Variants in DNAH1 observed in about 807,000 individuals in gnomAD.
The protein encoded by DNAH1 is axonemal beta dynein heavy chain 1.
In DNAH1, 327 loss-of-function variants were observed where a neutral mutation model predicts 484.3. The observed-to-expected ratio is 0.68, with a 90% CI of 0.62 to 0.74. The LOEUF (loss-of-function observed/expected upper bound fraction) is 0.74. DNAH1 is among the 30% of genes least tolerant of loss of function. The probability of loss-of-function intolerance (pLI) is 0.00; values close to 1 mark genes in which losing one functional copy is unlikely to be tolerated. For missense variants in DNAH1, 5,052 were observed against 5,546.8 expected (o/e 0.91, Z 2.83); for synonymous variants, 2,192 against 2,191.9 (o/e 1.00, Z 0.00).
In DNAH1 at chr3:52,316,514, G is replaced by T; in HGVS notation, c.-66G>T. The stretch of plus-strand genomic sequence containing the variant: ...AAAATAAAACCACAGTTTGGATTCA[G>T]GAAAGGTTGCACCACCATCAGGTCT... On this transcript the variant is annotated 5_prime_UTR_variant, in exon 1 of 78. The change creates a new upstream start codon in the 5' untranslated region. Transcript: ENST00000420323. 6.6e-6 allele frequency: 1 copy of T among 152,388 alleles called. No individual in the cohort carries two copies. The allele number at this position is 152,388 out of a possible 1,614,324, so 9.4% of individuals were successfully genotyped here.
Position 52,362,413 on chromosome 3 carries a change from T to C in DNAH1, c.5006T>C (p.Val1669Ala). 1 of 1,613,874 alleles carries C rather than the reference T, an allele frequency of 6.2e-7. No homozygotes were observed. Among genetic ancestry groups the C allele is most frequent in the Non-Finnish European group, 8.5e-7 (1 of 1,179,864 alleles). Residue 1669 changes from valine to alanine, a missense_variant, in exon 31 of 78, where the codon GTG becomes GCG. Around this residue, in one of 4 missense-constraint regions of DNAH1, gnomAD observed 2,929 missense variants for 3,409.4 expected, o/e 0.86. Coordinates refer to ENST00000420323, the MANE Select transcript of DNAH1 (RefSeq NM_015512.5). The surrounding 1 kb of genome is among the most constrained non-coding windows in gnomAD (Gnocchi z 5.1). ...GTGGAACGCTTCATGTTTGAGGGTG[T>C]GGAGATCCCACTGGTGCCATCCTGC... ...QRVERFMFEG[V>A]EIPLVPSCAV... is the part of the protein sequence containing the mutation.
intron 1 of DNAH1, chr3:52,321,634 C>A (rs1194712125): frequency 6.6e-6 from 1 of 152,216 alleles, no homozygotes; most frequent in Non-Finnish European, 1.5e-5. Flanking sequence ...ACTCTATAAA[C>A]CCTTGTCCTC....
chr3:52,322,420 G>T lies in DNAH1; in HGVS notation c.-23G>T, dbSNP rs1243899576. The stretch of plus-strand genomic sequence containing the variant: ...GGTTCTTCTCCTAGGAGCTTCGGCT[G>T]GGGCATCTCCCTGAGAAGCAGCATG... On this transcript the variant is annotated 5_prime_UTR_variant, in exon 2 of 78. Transcript: ENST00000420323. The T allele has an allele frequency of 1.9e-6, 3 of 1,590,460 alleles. No individual in the cohort carries two copies. The highest frequency in any genetic ancestry group is 2.6e-6 in the Non-Finnish European group (3 of 1,173,354).
chr3:52,344,474 C>T lies in DNAH1; in HGVS notation c.1287-16C>T. On this transcript the variant is annotated splice_polypyrimidine_tract_variant and intron_variant, in intron 8 of 77. Transcript: ENST00000420323. ...GTGGAGCCCCTGATTCCCCCATCTC[C>T]CATCTCTATGGGCAGGGTTCTAGAG... 2 of 1,610,314 alleles carry T rather than the reference C, an allele frequency of 1.2e-6. No homozygotes were observed. Among genetic ancestry groups the T allele is most frequent in the East Asian group, 4.5e-5 (2 of 44,790 alleles).
Position 52,358,883 on chromosome 3 carries a change from C to A in DNAH1, c.4266+146C>A. 2.1e-6 allele frequency: 2 copies of A among 950,662 alleles called. No individual in the cohort carries two copies. The highest frequency in any genetic ancestry group is 3.1e-6 in the Non-Finnish European group (2 of 645,264). The allele number at this position is 950,662 out of a possible 1,614,324, so 58.9% of individuals were successfully genotyped here. On this transcript the variant is annotated intron_variant, in intron 25 of 77. Coordinates refer to ENST00000420323, the MANE Select transcript of DNAH1 (RefSeq NM_015512.5). The surrounding 1 kb of genome is among the most constrained non-coding windows in gnomAD (Gnocchi z 4.2). The stretch of plus-strand genomic sequence containing the variant: ...GGCGGGATTCTGGAGTCTTTCCTTT[C>A]CACACACACTCCAGAAAGTGGGACT...
intron 12 of DNAH1, among the ~76,000 whole-genome samples, chr3:52,348,673 A>T (rs1297367090): frequency 6.6e-6 from 1 of 152,190 alleles, no homozygotes; most frequent in Non-Finnish European, 1.5e-5. Context: ...GGTGGGCCTC[A>T]CAGGGGCGTC....
Position 52,368,428 on chromosome 3 carries a change from C to T in DNAH1, c.5766-313C>T, listed in dbSNP as rs1188309960. The stretch of plus-strand genomic sequence containing the variant: ...TTTCTCTGCCCTGTCATTTACCCTC[C>T]TCCATCCTTGTCCATTGTCTTCCAG... On this transcript the variant is annotated intron_variant, in intron 36 of 77. Transcript: ENST00000420323. The surrounding 1 kb of genome is among the most constrained non-coding windows in gnomAD (Gnocchi z 4.4). Among the ~76,000 whole-genome samples, 1 of 152,142 alleles carries T rather than the reference C, an allele frequency of 6.6e-6. No homozygotes were observed. The highest frequency in any genetic ancestry group is 1.5e-5 in the Non-Finnish European group (1 of 68,034).
chr3:52,335,812 T>C (rs1402014574), intron 8 of DNAH1, among the ~76,000 whole-genome samples: 1 of 152,040 alleles, frequency 6.6e-6, no homozygotes. Flanking sequence ...TTTTGTATTT[T>C]TAGTAGAGAC....
At chr3:52,354,398 C>T (rs1315072565) in intron 20 of DNAH1, among the ~76,000 whole-genome samples, 2 of 152,090 alleles carry the variant, frequency 1.3e-5, no homozygotes, top group African/African-American at 2.4e-5. Flanking sequence ...CTTGGGAGGC[C>T]GAGGCGGGTG....
rs561152104 is a variant in DNAH1, at chr3:52,323,898, C to G, written c.406+18C>G. 1.3e-4 allele frequency: 209 copies of G among 1,558,258 alleles called. 2 individuals are homozygous for G. The South Asian group carries it at 2.2e-3, about 17-fold the overall frequency. On this transcript the variant is annotated intron_variant, in intron 3 of 77. Coordinates refer to ENST00000420323, the MANE Select transcript of DNAH1 (RefSeq NM_015512.5). ...CCCAAGAGGTCAGTGCTCAGGAGGG[C>G]TGTGTGAGTGGGTCCCGGTAGGTAT...
intron 17 of DNAH1, 72 bp downstream of exon 17, chr3:52,352,175 G>A (rs1327800569): frequency 6.6e-7 from 1 of 1,524,912 alleles, no homozygotes; most frequent in Non-Finnish European, 8.8e-7. Flanking sequence ...CCAGGGCCTG[G>A]CCTCACTTCT....
In DNAH1 at chr3:52,326,873, C is replaced by G. The variant is rs773704929; in HGVS notation, c.720C>G (p.Pro240=). 7 of 1,612,880 alleles carry G rather than the reference C, an allele frequency of 4.3e-6. No individual in the cohort carries two copies. The Admixed American group carries it at 1.0e-4, about 23-fold the overall frequency. The stretch of plus-strand genomic sequence containing the variant: ...AACAGGGCCATGACCCAATCTTCCC[C>G]ATCTACCTCCCACTGAAGGTGAGCC... ...TIEQGHDPIF[P]IYLPLKVFDN... is the part of the protein sequence containing the mutation. The change falls in exon 5 of 78, where the codon CCC becomes CCG. Residue 240 remains proline (P), a synonymous_variant. Transcript: ENST00000420323.
At chr3:52,374,483 A>G (rs1434285785) in intron 44 of DNAH1, 2 of 1,416,456 alleles carry the variant, frequency 1.4e-6, no homozygotes, top group African/African-American at 1.4e-5. Context: ...TAAACAAATT[A>G]GAAGCGATTT....
In DNAH1 at chr3:52,379,919, G is replaced by A. The variant is rs1157146135; in HGVS notation, c.7392G>A (p.Leu2464=). The change falls in exon 48 of 78, where the codon CTG becomes CTA. Residue 2464 remains leucine, a synonymous_variant. Coordinates refer to ENST00000420323, the MANE Select transcript of DNAH1 (RefSeq NM_015512.5). This position sits in a 1 kb window ranked among gnomAD's most constrained non-coding sequence, Gnocchi z 4.4. ...GGCTACTGCAGGACCAAGTGCAGCT[G>A]CTGCGACTGTGGTATCACGAGAACT... The part of the protein sequence containing the change: ...DPAKVEDQVQ[L]LRLWYHENCR... 2 of 1,564,504 alleles carry A rather than the reference G, an allele frequency of 1.3e-6. No individual in the cohort carries two copies. Among genetic ancestry groups the A allele is most frequent in the African/African-American group, 2.7e-5 (2 of 73,498 alleles).
chr3:52,377,972 C>T (rs1475115230), intron 46 of DNAH1, among the ~76,000 whole-genome samples: 1 of 152,172 alleles, frequency 6.6e-6, no homozygotes, highest in East Asian at 1.9e-4. Flanking sequence ...ACTCTGTGCC[C>T]AGTGCCTGTG....
chr3:52,322,204 G>A (rs887644617), intron 1 of DNAH1, among the ~76,000 whole-genome samples: 7 of 152,118 alleles, frequency 4.6e-5, no homozygotes, highest in Non-Finnish European at 1.0e-4. Flanking sequence ...AGTGTCCAGG[G>A]CAGGCCCCAC....
Position 52,331,118 on chromosome 3 carries a change from G to A in DNAH1, c.872-30G>A, listed in dbSNP as rs1411647223. On this transcript the variant is annotated intron_variant, in intron 6 of 77. Transcript: ENST00000420323. ...CCCCTTCCTGCCCCCATGGCGGGGG[G>A]CACTGGTGGAGTTTCTCCTCCTGTT... 7 of 1,562,680 alleles carry A rather than the reference G, an allele frequency of 4.5e-6. No individual in the cohort carries two copies. The Admixed American group carries it at 1.2e-4, about 26-fold the overall frequency.
At chr3:52,311,820 G>A (rs1700771225), upstream of DNAH1, among the ~76,000 whole-genome samples, 1 of 152,214 alleles carries the variant, frequency 6.6e-6, no homozygotes, top group Non-Finnish European at 1.5e-5. Flanking sequence ...AGACCTGTGA[G>A]CATGAGCCAG....
At chr3:52,386,027 C>T in intron 54 of DNAH1, 133 bp from the exon 55 acceptor site, 3 of 1,057,386 alleles carry the variant, frequency 2.8e-6, no homozygotes, top group East Asian at 2.6e-5. Flanking sequence ...CCTGGTATTC[C>T]CAGACCTCTC....
Sources: gnomAD v4.1 joint callset for allele counts (sites outside exome capture counted in the v4.1 genomes callset) on GRCh38, gnomAD v4.1.1 for gene constraint, gnomAD v4.1.1 regional missense constraint, Gnocchi (gnomAD v3.1) non-coding constraint, MANE v1.5 for transcripts, NCBI Gene and HGNC (gene_info 2026-07-23, HGNC 2026-07-21) for gene names.